Variants in RBFOX3 observed in about 807,000 individuals in gnomAD.
RBFOX3 encodes the protein RNA binding fox-1 homolog 3, also known as RNA binding protein fox-1 homolog 3.
Under a neutral mutation model 48.7 loss-of-function variants are expected in RBFOX3, and 17 were observed. The ratio of observed to expected loss-of-function variants is 0.35; its 90% confidence interval spans 0.24 to 0.52. The LOEUF (loss-of-function observed/expected upper bound fraction) is 0.52. RBFOX3 is among the 20% of genes least tolerant of loss of function. The pLI, the probability that RBFOX3 is intolerant of heterozygous loss-of-function variation, is 0.94. For synonymous variants in RBFOX3, 212 were observed against 209.5 expected, an observed-to-expected ratio of 1.01 and a Z score of -0.10; for missense variants, 382 against 497.5, an observed-to-expected ratio of 0.77 and a Z score of 2.21.
At chr17:79,283,334 T>C (rs1237850400) in intron 3 of RBFOX3, among the ~76,000 whole-genome samples, 1 of 150,306 alleles carries the variant, frequency 6.7e-6, no homozygotes, top group African/African-American at 2.4e-5. Context: ...ACTAGCGTGA[T>C]CTCGGCTCAC....
chr17:79,162,509 C>T (rs1026361751), intron 4 of RBFOX3, among the ~76,000 whole-genome samples: 7 of 152,226 alleles, frequency 4.6e-5, no homozygotes, highest in Non-Finnish European at 8.8e-5. Context: ...AATAGGCAGG[C>T]AGGAGCATAA....
At chr17:79,410,494 C>A (rs1201521388) in intron 2 of RBFOX3, among the ~76,000 whole-genome samples, 1 of 152,096 alleles carries the variant, frequency 6.6e-6, no homozygotes, top group African/African-American at 2.4e-5. Flanking sequence ...GTGGGCCTGA[C>A]CTAAGCAGAT....
rs1040904830 is a variant in RBFOX3 at position 79,550,533 on chromosome 17, A to C, written c.-320+60293T>G. Among the ~76,000 whole-genome samples, 1,011 of 152,346 alleles carry C rather than the reference A, an allele frequency of 6.6e-3. 15 individuals carry two copies. Among genetic ancestry groups the C allele is most frequent in the African/African-American group, 0.023 (939 of 41,578 alleles). On this transcript the variant is annotated intron_variant, in intron 1 of 14. Transcript: ENST00000693108. ...ATGGTTTATTTAATAAGTATTTTTC[A>C]AAGTACCACTACATGCTATAATCAT...
At chr17:79,385,541 G>T (rs953796951) in intron 2 of RBFOX3, among the ~76,000 whole-genome samples, 5 of 152,246 alleles carry the variant, frequency 3.3e-5, no homozygotes, top group Non-Finnish European at 7.4e-5. Flanking sequence ...GGCTGAGCCT[G>T]GTCCCCCATG....
chr17:79,370,123 C>A (rs890985153), intron 2 of RBFOX3, among the ~76,000 whole-genome samples: 1 of 152,232 alleles, frequency 6.6e-6, no homozygotes, highest in African/African-American at 2.4e-5. Flanking sequence ...TGGTGCCAAC[C>A]CCATCATCAC....
chr17:79,458,463 CTGTG>C (rs2149237604), intron 2 of RBFOX3, among the ~76,000 whole-genome samples: 1 of 146,146 alleles, frequency 6.8e-6, no homozygotes, highest in East Asian at 2.0e-4. Flanking sequence ...GTGTGCATGC[CTGTG>C]TGTGCGTGTG....
intron 3 of RBFOX3, among the ~76,000 whole-genome samples, chr17:79,244,760 TTTCTTC>T (rs1374479509): frequency 1.5e-4 from 9 of 60,774 alleles, no homozygotes; most frequent in Non-Finnish European, 3.9e-4. Context: ...CTTCCTTCCT[TTTCTTC>T]CTTCCTTCCT....
intron 4 of RBFOX3, among the ~76,000 whole-genome samples, chr17:79,137,370 C>A (rs1433171619): frequency 1.3e-5 from 2 of 152,218 alleles, no homozygotes; most frequent in African/African-American, 4.8e-5. Context: ...CACCCTCCAA[C>A]CCCCAGGCCA....
rs1205950560 is a variant in RBFOX3 at position 79,392,059 on chromosome 17, C to T, written c.-174-84235G>A. On this transcript the variant is annotated intron_variant, in intron 2 of 14. Coordinates refer to ENST00000693108, the MANE Select transcript of RBFOX3 (RefSeq NM_001350451.2). The surrounding 1 kb of genome is among the most constrained non-coding windows in gnomAD (Gnocchi z 5.0). ...ACAGACACCGACAAGCAACAGGGTT[C>T]CCATAGTGCCCGGGCACTTCGGACC... 2.0e-5 allele frequency among the ~76,000 whole-genome samples: 3 copies of T among 152,226 alleles called. No homozygotes were observed. The South Asian group carries it at 6.2e-4, about 32-fold the overall frequency.
In RBFOX3 at chr17:79,347,255, G is replaced by A. The variant is rs902818408; in HGVS notation, c.-174-39431C>T. Among the ~76,000 whole-genome samples, 48 of 152,262 alleles carry A rather than the reference G, an allele frequency of 3.2e-4. 2 individuals carry two copies. The highest frequency in any genetic ancestry group is 3.1e-3 in the Admixed American group (48 of 15,294). ...TGCTCTTTGTGTGTGATCTCTTCCT[G>A]TCTGGAAACATTAAGAACTTTATCT... On this transcript the variant is annotated intron_variant, in intron 2 of 14. Transcript: ENST00000693108.
chr17:79,096,191 C>T (rs1317828831), intron 12 of RBFOX3, among the ~76,000 whole-genome samples: 1 of 152,200 alleles, frequency 6.6e-6, no homozygotes, highest in Non-Finnish European at 1.5e-5. Flanking sequence ...GGAAGCAGCA[C>T]ATGTGGCCCC....
chr17:79,110,455 C>G (rs2030714269), intron 5 of RBFOX3, among the ~76,000 whole-genome samples: 2 of 152,214 alleles, frequency 1.3e-5, no homozygotes, highest in Admixed American at 1.3e-4. Flanking sequence ...AGACCCTGGA[C>G]AGCAGGTGGG....
intron 1 of RBFOX3, among the ~76,000 whole-genome samples, chr17:79,555,776 T>C (rs2091695089): frequency 6.6e-6 from 1 of 152,230 alleles, no homozygotes; most frequent in South Asian, 2.1e-4. Context: ...ATGGTAATGG[T>C]GATAATGGCA....
Position 79,242,858 on chromosome 17 carries a change from C to T in RBFOX3, c.-73-7053G>A, listed in dbSNP as rs1028062379. Among the ~76,000 whole-genome samples the T allele has an allele frequency of 2.0e-5, 3 of 152,174 alleles. No individual in the cohort carries two copies. Among genetic ancestry groups the T allele is most frequent in the Admixed American group, 2.0e-4 (3 of 15,286 alleles). ...CCCAGGAAGCCCGGGCAGGGCTCCA[C>T]AGCAACCTGCCTGGAGTCCCACCTT... On this transcript the variant is annotated intron_variant, in intron 3 of 14. Coordinates refer to ENST00000693108, the MANE Select transcript of RBFOX3 (RefSeq NM_001350451.2). This position sits in a 1 kb window ranked among gnomAD's most constrained non-coding sequence, Gnocchi z 5.8.
chr17:79,166,160 C>T (rs539681729), intron 4 of RBFOX3, among the ~76,000 whole-genome samples: 11 of 143,200 alleles, frequency 7.7e-5, no homozygotes, highest in Admixed American at 2.1e-4. Context: ...GTTCCCCCCC[C>T]GGGCAGGTAA....
At chr17:79,387,913 A>T (rs1220357603) in intron 2 of RBFOX3, among the ~76,000 whole-genome samples, 2 of 106,998 alleles carry the variant, frequency 1.9e-5, no homozygotes, top group African/African-American at 3.1e-5. Flanking sequence ...TGTGTGTACG[A>T]GTGTGCATAC....
At chr17:79,143,311 TC>T (rs1400154668) in intron 4 of RBFOX3, among the ~76,000 whole-genome samples, 1 of 144,898 alleles carries the variant, frequency 6.9e-6, no homozygotes, top group Non-Finnish European at 1.5e-5. Flanking sequence ...CCAAGCCTGT[TC>T]CTGGGGGACC....
chr17:79,107,119 C>T (rs567152233), intron 5 of RBFOX3, among the ~76,000 whole-genome samples: 23 of 152,368 alleles, frequency 1.5e-4, no homozygotes, highest in Admixed American at 7.2e-4. Flanking sequence ...GAGGCTGAAC[C>T]TCCACGGTCT....
chr17:79,154,500 G>C (rs1433396089), intron 4 of RBFOX3, among the ~76,000 whole-genome samples: 2 of 152,250 alleles, frequency 1.3e-5, no homozygotes, highest in Non-Finnish European at 2.9e-5. Context: ...GTGGGGAAGG[G>C]TGGATGGAGG....
Sources: allele counts gnomAD v4.1 joint callset (sites outside exome capture counted in the v4.1 genomes callset), GRCh38; gene constraint gnomAD v4.1.1; non-coding constraint Gnocchi (gnomAD v3.1); transcripts MANE v1.5; gene names NCBI Gene and HGNC (gene_info 2026-07-23, HGNC 2026-07-21).